Variants in TBC1D8 observed in about 807,000 individuals in gnomAD.
TBC1D8 encodes the protein BUB2-like protein 1.
TBC1D8 carries 65 observed loss-of-function variants against 118.8 expected under a neutral mutation model. The ratio of observed to expected loss-of-function variants is 0.55; its 90% CI spans 0.45 to 0.67. TBC1D8 has a LOEUF of 0.67. Ranked by LOEUF, TBC1D8 falls within the 30% of genes least tolerant of loss-of-function variation. The probability of loss-of-function intolerance (pLI) is 0.00; values close to 1 mark genes in which losing one functional copy is unlikely to be tolerated. For missense variants in TBC1D8, 1,376 were observed against 1,471.2 expected (o/e 0.94, Z 1.06); for synonymous variants, 566 against 595.8 (o/e 0.95, Z 0.73).
chr2:101,011,434 T>G lies in TBC1D8; in HGVS notation c.2917+17A>C, dbSNP rs565554325. On this transcript the variant is annotated intron_variant, in intron 18 of 19. Coordinates refer to ENST00000409318, the MANE Select transcript of TBC1D8 (RefSeq NM_001330348.2). ...AGTGGTATGCAGGGGAAAGCAACAA[T>G]GAAAAGAGGTACGTGCCATTGGGTT... The G allele has an allele frequency of 9.2e-5, 148 of 1,613,384 alleles. No homozygotes were observed. The East Asian group carries it at 2.9e-3, about 31-fold the overall frequency.
At chr2:101,146,569 T>C (rs1466627016) in intron 1 of TBC1D8, among the ~76,000 whole-genome samples, 7 of 152,214 alleles carry the variant, frequency 4.6e-5, no homozygotes, top group Non-Finnish European at 8.8e-5. Flanking sequence ...GAGTAATGTT[T>C]ATTCCACTCA....
chr2:101,128,116 C>T (rs1377099686), intron 1 of TBC1D8, among the ~76,000 whole-genome samples: 2 of 152,134 alleles, frequency 1.3e-5, no homozygotes, highest in Non-Finnish European at 2.9e-5. Context: ...CCTAATAGTC[C>T]TATTCTTTCC....
intron 2 of TBC1D8, among the ~76,000 whole-genome samples, chr2:101,079,416 A>T (rs1675098868): frequency 1.3e-5 from 2 of 152,178 alleles, no homozygotes. Context: ...ACACGGTTTC[A>T]TCTGTCACTC....
chr2:101,037,321 G>A (rs1185988309), intron 8 of TBC1D8, among the ~76,000 whole-genome samples: 4 of 152,226 alleles, frequency 2.6e-5, no homozygotes, highest in Non-Finnish European at 4.4e-5. Context: ...TGAGAGCTGC[G>A]CGAGGTTTAC....
intron 1 of TBC1D8, among the ~76,000 whole-genome samples, chr2:101,108,085 TG>T (rs1469042124): frequency 4.2e-5 from 1 of 24,000 alleles, no homozygotes; most frequent in Non-Finnish European, 8.0e-5. Flanking sequence ...AAGAGGGGAG[TG>T]GGGGGAGGGA....
At chr2:101,120,204 A>G (rs961721577) in intron 1 of TBC1D8, among the ~76,000 whole-genome samples, 3 of 152,070 alleles carry the variant, frequency 2.0e-5, no homozygotes, top group Non-Finnish European at 2.9e-5. Flanking sequence ...CCCACAACAC[A>G]CTGGAGAGTC....
chr2:101,042,280 A>C (rs1681433087), intron 5 of TBC1D8, among the ~76,000 whole-genome samples: 2 of 152,124 alleles, frequency 1.3e-5, no homozygotes, highest in Admixed American at 1.3e-4. Context: ...ATGTTTGAAA[A>C]TACTGATCAA....
intron 1 of TBC1D8, chr2:101,110,046 T>C: frequency 2.0e-6 from 2 of 982,560 alleles, no homozygotes; most frequent in Non-Finnish European, 2.4e-6. Context: ...ACTCCTATTT[T>C]TAGGCTCTTA....
intron 19 of TBC1D8, among the ~76,000 whole-genome samples, chr2:101,009,196 A>T (rs1400689060): frequency 2.0e-5 from 3 of 151,904 alleles, no homozygotes; most frequent in Non-Finnish European, 2.9e-5. Context: ...GATTGAGACC[A>T]TCCTGGCTAA....
chr2:101,068,613 G>T (rs375415801), intron 2 of TBC1D8: 18 of 532,324 alleles, frequency 3.4e-5, no homozygotes, highest in African/African-American at 3.1e-4. Context: ...GATACAATTC[G>T]CCAACAAGAA....
intron 1 of TBC1D8, among the ~76,000 whole-genome samples, chr2:101,095,641 C>T (rs1456615890): frequency 6.6e-6 from 1 of 152,006 alleles, no homozygotes; most frequent in East Asian, 1.9e-4. Flanking sequence ...TTTTCTTAAT[C>T]CAGTCTATCA....
chr2:101,106,136 G>A (rs1677198573), intron 1 of TBC1D8, among the ~76,000 whole-genome samples: 1 of 152,112 alleles, frequency 6.6e-6, no homozygotes, highest in African/African-American at 2.4e-5. Context: ...GCTACATACT[G>A]TATGATTCCA....
At chr2:101,142,166 A>C (rs1278759191) in intron 1 of TBC1D8, among the ~76,000 whole-genome samples, 1 of 152,134 alleles carries the variant, frequency 6.6e-6, no homozygotes, top group Non-Finnish European at 1.5e-5. Context: ...CCTCCCAAGT[A>C]GATGGGATTA....
intron 1 of TBC1D8, among the ~76,000 whole-genome samples, chr2:101,104,408 T>C (rs1459879750): frequency 2.0e-5 from 3 of 152,172 alleles, no homozygotes; most frequent in Non-Finnish European, 4.4e-5. Flanking sequence ...GCCAACACAA[T>C]ACTGGAGAAG....
At position 101,054,117 on chromosome 2, in the gene TBC1D8, C is replaced by T; in HGVS notation, c.622G>A (p.Gly208Ser). 1.9e-6 allele frequency: 3 copies of T among 1,611,192 alleles called. No homozygotes were observed. Among genetic ancestry groups the T allele is most frequent in the Non-Finnish European group, 2.5e-6 (3 of 1,178,688 alleles). Residue 208 changes from glycine (G) to serine (S), a missense_variant, in exon 4 of 20, where the codon GGC (glycine) becomes AGC (serine). Physicochemically the swap from Gly to Ser is moderately conservative, Grantham distance 56. Transcript: ENST00000409318. The stretch of plus-strand genomic sequence containing the variant: ...GCCAGGCCTCACTTACGTTCCTTGC[C>T]CAGGAAGAAGGAGTAGAAGCAGAGG... The part of the protein sequence containing the change: ...NHLCFYSFFL[G>S]KELKLVVPWV...
chr2:101,114,902 C>A (rs1024875665), intron 1 of TBC1D8, among the ~76,000 whole-genome samples: 1 of 152,104 alleles, frequency 6.6e-6, no homozygotes, highest in Non-Finnish European at 1.5e-5. Context: ...TGCCACCCCA[C>A]GGAAATAAGG....
chr2:101,137,863 G>A (rs1678924272), intron 1 of TBC1D8, among the ~76,000 whole-genome samples: 1 of 152,152 alleles, frequency 6.6e-6, no homozygotes, highest in Non-Finnish European at 1.5e-5. Context: ...ACTGTATAGT[G>A]CTAAGCCAAC....
At position 101,011,517 on chromosome 2, in the gene TBC1D8, T is replaced by C. The variant is rs1478596818; in HGVS notation, c.2851A>G (p.Ser951Gly). ...AGAGGATTCCTCAACGGCGACTGGCTGTCTCGGTCATTTTCAGTGAGTGCT... is the reference window on the plus strand; with the variant it reads ...AGAGGATTCCTCAACGGCGACTGGCCGTCTCGGTCATTTTCAGTGAGTGCT... ...PPALTENDRDSQSPLRNPLLS... is the reference protein window; with the variant it reads ...PPALTENDRDGQSPLRNPLLS... Residue 951 changes from serine (S) to glycine (G), a missense_variant, in exon 18 of 20, where the codon AGC becomes GGC. Physicochemically the swap from Ser to Gly is moderately conservative, Grantham distance 56 (BLOSUM62 0). Transcript: ENST00000409318. 6.2e-7 allele frequency: 1 copy of C among 1,613,970 alleles called. No homozygotes were observed. Among genetic ancestry groups the C allele is most frequent in the African/African-American group, 1.3e-5 (1 of 75,038 alleles).
intron 17 of TBC1D8, chr2:101,019,045 C>T: frequency 6.2e-7 from 1 of 1,610,604 alleles, no homozygotes; most frequent in Non-Finnish European, 8.5e-7. Flanking sequence ...ATAAAGGGAG[C>T]CCTCCTGGAA....
Sources: allele counts gnomAD v4.1 joint callset (sites outside exome capture counted in the v4.1 genomes callset), GRCh38; gene constraint gnomAD v4.1.1; transcripts MANE v1.5; gene names NCBI Gene and HGNC (gene_info 2026-07-23, HGNC 2026-07-21).